The following WWOX variants were observed in gnomAD, a reference collection of about 807,000 sequenced individuals.
WWOX encodes WW domain-containing oxidoreductase.
Under a neutral mutation model 46.2 loss-of-function variants are expected in WWOX, and 69 were observed. That is an observed-to-expected ratio of 1.49 (90% CI 1.23 to 1.82). The LOEUF is 1.82. Ranked by LOEUF, WWOX falls within the 40% of genes most tolerant of loss-of-function variation. The probability of loss-of-function intolerance (pLI) is 0.00; values close to 1 mark genes in which losing one functional copy is unlikely to be tolerated. For missense variants in WWOX, 919 were observed against 542.6 expected (o/e 1.69, Z -6.89); for synonymous variants, 359 against 202.6 (o/e 1.77, Z -6.56).
intron 8 of WWOX, among the ~76,000 whole-genome samples, chr16:79,097,787 G>C (rs1234355765): frequency 6.6e-6 from 1 of 152,194 alleles, no homozygotes. Context: ...GCGGGGCTGA[G>C]AGTGGGAACT....
intron 8 of WWOX, among the ~76,000 whole-genome samples, chr16:78,976,651 G>C (rs576755940): frequency 6.6e-6 from 1 of 152,290 alleles, no homozygotes; most frequent in South Asian, 2.1e-4. Context: ...CCATCTCTTG[G>C]ATTAATGTGA....
chr16:78,587,568 C>G (rs1183573838), intron 8 of WWOX, among the ~76,000 whole-genome samples: 6 of 152,092 alleles, frequency 3.9e-5, no homozygotes, highest in African/African-American at 1.4e-4. Context: ...CTGCCCTCCC[C>G]TGATTACCGT....
At chr16:78,873,333 A>G (rs1467829883) in intron 8 of WWOX, 4 of 152,356 alleles carry the variant, frequency 2.6e-5, no homozygotes, top group East Asian at 3.9e-4. Flanking sequence ...TCCTATTATC[A>G]GAGATCTGGT....
At chr16:79,118,800 C>G (rs919166261) in intron 8 of WWOX, among the ~76,000 whole-genome samples, 1 of 152,188 alleles carries the variant, frequency 6.6e-6, no homozygotes, top group Non-Finnish European at 1.5e-5. Context: ...TGGCACATTG[C>G]TTATTTTTCC....
At chr16:78,583,724 G>C (rs1170882323) in intron 8 of WWOX, among the ~76,000 whole-genome samples, 1 of 152,218 alleles carries the variant, frequency 6.6e-6, no homozygotes, top group Non-Finnish European at 1.5e-5. Flanking sequence ...TGTGGAGTTG[G>C]TAATCTAGAG....
At chr16:78,217,532 C>T (rs1379740093) in intron 5 of WWOX, among the ~76,000 whole-genome samples, 3 of 152,122 alleles carry the variant, frequency 2.0e-5, no homozygotes, top group African/African-American at 7.2e-5. Flanking sequence ...ACATGTGATC[C>T]TGCCGATGAG....
intron 8 of WWOX, among the ~76,000 whole-genome samples, chr16:78,766,968 C>A (rs1321255547): frequency 6.6e-6 from 1 of 152,112 alleles, no homozygotes; most frequent in African/African-American, 2.4e-5. Flanking sequence ...TCTCTGGTAA[C>A]CCCTACTTTA....
intron 8 of WWOX, among the ~76,000 whole-genome samples, chr16:78,847,837 A>G (rs1254494985): frequency 6.6e-6 from 1 of 152,140 alleles, no homozygotes; most frequent in South Asian, 2.1e-4. Context: ...CCTGTCCTGT[A>G]TGACTGGCAT....
chr16:78,675,529 A>G (rs1428752530), intron 8 of WWOX, among the ~76,000 whole-genome samples: 1 of 152,148 alleles, frequency 6.6e-6, no homozygotes, highest in South Asian at 2.1e-4. Flanking sequence ...TAACCATTTC[A>G]CAAATATTTA....
In WWOX at chr16:78,863,632, C is replaced by G. The variant is rs74032404; in HGVS notation, c.1057-347976C>G. ...AGCTGTATTCAGGCAGGCACGAAGT[C>G]TCTTATTTACTCAGTGTTTCTGGAG... On this transcript the variant is annotated intron_variant, in intron 8 of 8. Transcript: ENST00000566780. Among the ~76,000 whole-genome samples the G allele has an allele frequency of 8.4e-3, 1,280 of 152,258 alleles. 20 individuals carry two copies. Among genetic ancestry groups the G allele is most frequent in the African/African-American group, 0.029 (1,215 of 41,548 alleles).
chr16:78,795,367 C>A (rs1056050972), intron 8 of WWOX, among the ~76,000 whole-genome samples: 1 of 152,176 alleles, frequency 6.6e-6, no homozygotes, highest in South Asian at 2.1e-4. Flanking sequence ...CCATATGCTT[C>A]TGTCTTCCTG....
At chr16:78,825,185 A>AGG (rs2051616024) in intron 8 of WWOX, 1 of 157,666 alleles carries the variant, frequency 6.3e-6, no homozygotes, top group African/African-American at 2.4e-5. Flanking sequence ...GGTGTGTTCC[A>AGG]TGGGCAGCGT....
At position 78,121,684 on chromosome 16, in the gene WWOX, C is replaced by CA. The variant is rs1043970589; in HGVS notation, c.409+6531dup. On this transcript the variant is annotated intron_variant, in intron 4 of 8. Coordinates refer to ENST00000566780, the MANE Select transcript of WWOX (RefSeq NM_016373.4). ...TGTTTCAGTTTTTTTTTTTTTGAGTCAGAGTATTACTCTGTTGCGCAGGCT... is the reference window on the plus strand; with the variant it reads ...TGTTTCAGTTTTTTTTTTTTTGAGTCAAGAGTATTACTCTGTTGCGCAGGCT... 1.4e-4 allele frequency among the ~76,000 whole-genome samples: 21 copies of CA among 148,926 alleles called. 1 individual carries two copies. Among genetic ancestry groups the CA allele is most frequent in the African/African-American group, 4.9e-4 (20 of 40,462 alleles).
chr16:79,066,028 C>T (rs778389272), intron 8 of WWOX, among the ~76,000 whole-genome samples: 2 of 152,224 alleles, frequency 1.3e-5, no homozygotes, highest in Non-Finnish European at 2.9e-5. Flanking sequence ...CAAATCCAGT[C>T]TGTTCATCAT....
At chr16:78,258,468 G>A (rs367971523) in intron 5 of WWOX, among the ~76,000 whole-genome samples, 67 of 152,084 alleles carry the variant, frequency 4.4e-4, no homozygotes, top group African/African-American at 1.5e-3. Context: ...ATTCCCACTC[G>A]GATGCTACGA....
intron 8 of WWOX, among the ~76,000 whole-genome samples, chr16:78,885,717 G>T (rs184860317): frequency 5.5e-4 from 83 of 152,116 alleles, no homozygotes; most frequent in African/African-American, 1.7e-3. Flanking sequence ...AATATCTCAC[G>T]AATGGCAGAA....
intron 5 of WWOX, among the ~76,000 whole-genome samples, chr16:78,381,929 G>A (rs2081964748): frequency 2.0e-5 from 3 of 152,148 alleles, no homozygotes; most frequent in South Asian, 4.1e-4. Context: ...GCAGTGGCAC[G>A]ATCATGTCTC....
chr16:78,653,527 C>G (rs898908987), intron 8 of WWOX, among the ~76,000 whole-genome samples: 1 of 152,192 alleles, frequency 6.6e-6, no homozygotes, highest in Admixed American at 6.5e-5. Context: ...AGGAAGGTTT[C>G]CTACTCCTAA....
chr16:78,932,202 G>C (rs1055058019), intron 8 of WWOX, among the ~76,000 whole-genome samples: 2 of 152,152 alleles, frequency 1.3e-5, no homozygotes, highest in East Asian at 3.9e-4. Flanking sequence ...AACATGGAGG[G>C]GTAGCTCTTT....
Sources: allele counts gnomAD v4.1 joint callset (sites outside exome capture counted in the v4.1 genomes callset), GRCh38; gene constraint gnomAD v4.1.1; transcripts MANE v1.5; gene names NCBI Gene and HGNC (gene_info 2026-07-23, HGNC 2026-07-21).